The following MOB4 variants were observed in gnomAD, a reference collection of about 807,000 sequenced individuals.
The protein encoded by MOB4 is MOB family member 4, phocein, also known as MOB-like protein phocein.
A neutral mutation model predicts 32.2 loss-of-function variants in MOB4; 4 were observed. That is an observed-to-expected ratio of 0.12 (90% CI 0.06 to 0.28). MOB4 has a LOEUF of 0.28. Among genes scored for constraint, MOB4 ranks in the 10% least tolerant of loss-of-function variants. MOB4 has a pLI of 1.00. For missense variants in MOB4, 158 were observed against 271.2 expected, an observed-to-expected ratio of 0.58 and a Z score of 2.93; for synonymous variants, 88 against 88.1, an observed-to-expected ratio of 1.00 and a Z score of 0.01.
intron 5 of MOB4, among the ~76,000 whole-genome samples, chr2:197,540,778 A>G (rs570147597): frequency 6.6e-6 from 1 of 152,218 alleles, no homozygotes; most frequent in Non-Finnish European, 1.5e-5. Context: ...AGGAAGAACT[A>G]TTGATTACTC....
At chr2:197,533,074 G>T (rs2086734964) in intron 2 of MOB4, among the ~76,000 whole-genome samples, 1 of 152,152 alleles carries the variant, frequency 6.6e-6, no homozygotes, top group South Asian at 2.1e-4. Flanking sequence ...ACTCCAGCCT[G>T]GGCGACAGAG....
At chr2:197,523,800 G>A (rs187543341) in intron 2 of MOB4, 114 bp downstream of exon 2, 881 of 985,614 alleles carry the variant, frequency 8.9e-4, no homozygotes, top group Admixed American at 1.2e-3. Flanking sequence ...CCAATAAAGC[G>A]TGCTCTTTCA....
chr2:197,529,301 A>G (rs2086660797), intron 2 of MOB4, among the ~76,000 whole-genome samples: 1 of 151,998 alleles, frequency 6.6e-6, no homozygotes, highest in Non-Finnish European at 1.5e-5. Context: ...TTTGTTAGAT[A>G]TAGAATTCTG....
intron 4 of MOB4, 44 bp downstream of exon 4, chr2:197,540,197 T>A (rs1254670445): frequency 1.9e-6 from 3 of 1,588,940 alleles, no homozygotes; most frequent in South Asian, 1.2e-5. Context: ...AAGTTCTGAT[T>A]TTTTTTTCTC....
chr2:197,523,790 C>A, intron 2 of MOB4, 104 bp downstream of exon 2: 1 of 1,081,570 alleles, frequency 9.2e-7, no homozygotes, highest in Non-Finnish European at 1.3e-6. Flanking sequence ...AGTCTGCTTC[C>A]CAATAAAGCG....
At chr2:197,519,244 C>G (rs2086472408) in intron 1 of MOB4, among the ~76,000 whole-genome samples, 1 of 152,132 alleles carries the variant, frequency 6.6e-6, no homozygotes, top group Non-Finnish European at 1.5e-5. Flanking sequence ...AGATGAGAAT[C>G]TTTATTAAGC....
At chr2:197,527,135 A>G (rs766130891) in intron 2 of MOB4, among the ~76,000 whole-genome samples, 3 of 152,028 alleles carry the variant, frequency 2.0e-5, no homozygotes, top group Non-Finnish European at 2.9e-5. Flanking sequence ...TTGCAATTCC[A>G]TATAAATTTG....
At chr2:197,526,638 G>A (rs936901359) in intron 2 of MOB4, among the ~76,000 whole-genome samples, 1 of 152,110 alleles carries the variant, frequency 6.6e-6, no homozygotes, top group African/African-American at 2.4e-5. Context: ...TAAATGTTTG[G>A]TATTTTCTTT....
upstream of MOB4, chr2:197,515,847 G>A (rs2086398553): frequency 5.6e-6 from 3 of 534,062 alleles, no homozygotes; most frequent in Non-Finnish European, 9.9e-6. Context: ...GGCTCGTGGC[G>A]CCCGCCTTCC....
In MOB4 at chr2:197,550,800, T is replaced by C. The variant is rs1377284992; in HGVS notation, c.*154T>C. On this transcript the variant is annotated 3_prime_UTR_variant, in exon 8 of 8. Coordinates refer to ENST00000323303, the MANE Select transcript of MOB4 (RefSeq NM_015387.5). ...TTGCCTTTTAAAATGGGAAATACTT[T>C]TTAAGTTATTCATAAGCTGTATATT... 5.6e-6 allele frequency: 5 copies of C among 900,588 alleles called. No individual in the cohort carries two copies. In the East Asian group the frequency reaches 1.7e-4, roughly 30 times the overall value. The allele number at this position is 900,588 out of a possible 1,614,324, so 55.8% of individuals were successfully genotyped here. A position where few individuals can be genotyped will look rare whatever the true frequency, so the allele number is the denominator to read the frequency against.
chr2:197,540,205 C>G (rs13030448), intron 4 of MOB4, 52 bp downstream of exon 4: 36,570 of 1,574,016 alleles, frequency 0.023, 615 homozygotes, highest in Non-Finnish European at 0.025. Flanking sequence ...ATTTTTTTTT[C>G]TCTGTTTTTA....
chr2:197,545,938 C>A (rs1337114459), intron 5 of MOB4, among the ~76,000 whole-genome samples: 1 of 152,104 alleles, frequency 6.6e-6, no homozygotes, highest in Admixed American at 6.5e-5. Flanking sequence ...TCTTAAAAGT[C>A]AAAAAGTAGC....
chr2:197,541,875 C>T (rs1476721740), intron 5 of MOB4, among the ~76,000 whole-genome samples: 9 of 151,750 alleles, frequency 5.9e-5, no homozygotes, highest in African/African-American at 9.7e-5. Flanking sequence ...GCCGAGATCC[C>T]GCCACTGCAC....
intron 6 of MOB4, among the ~76,000 whole-genome samples, chr2:197,549,949 G>A (rs561437210): frequency 5.3e-5 from 8 of 151,616 alleles, no homozygotes; most frequent in South Asian, 4.2e-4. Flanking sequence ...GTTTTCAATC[G>A]CCTCTAGTGG....
intron 2 of MOB4, 56 bp from the exon 3 acceptor site, chr2:197,535,474 A>T: frequency 6.6e-7 from 1 of 1,512,662 alleles, no homozygotes; most frequent in East Asian, 2.3e-5. Context: ...TGTACTTAAC[A>T]TAAGATTTAC....
chr2:197,534,015 A>G (rs2086753946), intron 2 of MOB4: 2 of 480,694 alleles, frequency 4.2e-6, no homozygotes, highest in African/African-American at 2.0e-5. Flanking sequence ...CATCAAGGTC[A>G]CTATCATGTC....
chr2:197,543,424 C>G (rs994473107), intron 5 of MOB4, among the ~76,000 whole-genome samples: 1 of 151,792 alleles, frequency 6.6e-6, no homozygotes, highest in African/African-American at 2.4e-5. Context: ...AACATTGTCT[C>G]CTCCACAACC....
At chr2:197,543,946 G>C (rs1280917439) in intron 5 of MOB4, among the ~76,000 whole-genome samples, 1 of 152,032 alleles carries the variant, frequency 6.6e-6, no homozygotes, top group Non-Finnish European at 1.5e-5. Flanking sequence ...CACCCTATTG[G>C]CCAGGCTGGC....
At chr2:197,526,756 T>C (rs2086618258) in intron 2 of MOB4, among the ~76,000 whole-genome samples, 1 of 152,370 alleles carries the variant, frequency 6.6e-6, no homozygotes, top group East Asian at 1.9e-4. Context: ...TTTAAATGCC[T>C]TTCCTTTCTT....
Sources: allele counts gnomAD v4.1 joint callset (sites outside exome capture counted in the v4.1 genomes callset), GRCh38; gene constraint gnomAD v4.1.1; transcripts MANE v1.5; gene names NCBI Gene and HGNC (gene_info 2026-07-23, HGNC 2026-07-21).